ZNRF1: variants seen among roughly 807,000 people sequenced by gnomAD.
ZNRF1 encodes E3 ubiquitin-protein ligase ZNRF1.
Under a neutral mutation model 18.4 loss-of-function variants are expected in ZNRF1, and 3 were observed. The observed-to-expected ratio is 0.16, with a 90% CI of 0.07 to 0.42. ZNRF1 has a LOEUF of 0.42. Ranked by LOEUF, ZNRF1 falls within the 10% of genes least tolerant of loss-of-function variation. The pLI is 0.99. For synonymous variants in ZNRF1, 157 were observed against 144.2 expected (o/e 1.09, Z -0.64); for missense variants, 310 against 329.8 (o/e 0.94, Z 0.47).
chr16:75,026,060 A>G (rs2035218914), intron 1 of ZNRF1, among the ~76,000 whole-genome samples: 1 of 152,292 alleles, frequency 6.6e-6, no homozygotes, highest in East Asian at 1.9e-4. Flanking sequence ...CTTGTGTGGG[A>G]TTGATCCAAT....
At chr16:75,045,529 T>C (rs2035503833) in intron 1 of ZNRF1, among the ~76,000 whole-genome samples, 1 of 149,408 alleles carries the variant, frequency 6.7e-6, no homozygotes, top group Admixed American at 6.8e-5. Context: ...AATCGCTGGC[T>C]TTATCTGAGC....
intron 1 of ZNRF1, among the ~76,000 whole-genome samples, chr16:75,081,695 C>T (rs765404197): frequency 6.6e-6 from 1 of 152,168 alleles, no homozygotes; most frequent in African/African-American, 2.4e-5. Flanking sequence ...GATGTTCAGT[C>T]GAATGACTGG....
intron 2 of ZNRF1, among the ~76,000 whole-genome samples, chr16:75,100,965 G>T (rs1023665037): frequency 5.3e-5 from 8 of 152,164 alleles, no homozygotes; most frequent in Admixed American, 1.3e-4. Context: ...ACAGAGTCTC[G>T]TTCTGTCACC....
intron 1 of ZNRF1, among the ~76,000 whole-genome samples, chr16:75,019,401 A>G (rs760749038): frequency 4.6e-5 from 7 of 152,152 alleles, no homozygotes; most frequent in Non-Finnish European, 8.8e-5. Flanking sequence ...GTGCAAAGAC[A>G]TAACTGTAGT....
At chr16:75,035,255 A>G (rs2035362798) in intron 1 of ZNRF1, among the ~76,000 whole-genome samples, 1 of 152,074 alleles carries the variant, frequency 6.6e-6, no homozygotes, top group Admixed American at 6.6e-5. Context: ...GCTGGTCTCC[A>G]ACTCCTGGGC....
intron 1 of ZNRF1, among the ~76,000 whole-genome samples, chr16:75,066,354 G>A (rs1477710547): frequency 1.3e-5 from 2 of 152,162 alleles, no homozygotes; most frequent in African/African-American, 4.8e-5. Flanking sequence ...GACCAAAGGA[G>A]GGGAAGACAT....
chr16:75,008,847 A>G (rs2034958081), intron 1 of ZNRF1, among the ~76,000 whole-genome samples: 1 of 152,136 alleles, frequency 6.6e-6, no homozygotes, highest in Non-Finnish European at 1.5e-5. Context: ...GGCTGCTGCA[A>G]GGATATACTT....
chr16:75,000,168 A>T (rs1324145826), intron 1 of ZNRF1, 73 bp downstream of exon 1: 12 of 1,546,776 alleles, frequency 7.8e-6, no homozygotes, highest in Non-Finnish European at 1.0e-5. Context: ...GTGCGTGCCA[A>T]GGTTTGGGAA....
intron 1 of ZNRF1, among the ~76,000 whole-genome samples, chr16:75,041,674 C>A (rs987509604): frequency 6.6e-6 from 1 of 152,064 alleles, no homozygotes; most frequent in African/African-American, 2.4e-5. Context: ...GTGATGATCC[C>A]TTTTCATGTG....
chr16:75,055,472 T>C (rs982302684), intron 1 of ZNRF1, among the ~76,000 whole-genome samples: 5 of 152,192 alleles, frequency 3.3e-5, no homozygotes, highest in Admixed American at 6.5e-5. Flanking sequence ...TTCCAGCACT[T>C]TCCATGCTAC....
intron 1 of ZNRF1, among the ~76,000 whole-genome samples, chr16:75,006,931 C>T (rs2034926337): frequency 6.6e-6 from 1 of 152,176 alleles, no homozygotes; most frequent in Non-Finnish European, 1.5e-5. Context: ...CAGGTTTATC[C>T]TTGAATCCAG....
intron 1 of ZNRF1, among the ~76,000 whole-genome samples, chr16:75,017,121 G>A (rs934301715): frequency 6.6e-6 from 1 of 152,118 alleles, no homozygotes; most frequent in Admixed American, 6.6e-5. Flanking sequence ...GCAAACAGCA[G>A]AGTAAACAGT....
chr16:75,067,794 A>G (rs1225581126), intron 1 of ZNRF1, among the ~76,000 whole-genome samples: 1 of 152,180 alleles, frequency 6.6e-6, no homozygotes, highest in South Asian at 2.1e-4. Flanking sequence ...ACTATCATAC[A>G]CAATGGTAGA....
intron 1 of ZNRF1, among the ~76,000 whole-genome samples, chr16:75,070,194 A>G (rs553837073): frequency 1.3e-5 from 2 of 152,302 alleles, no homozygotes; most frequent in African/African-American, 4.8e-5. Flanking sequence ...CCCATTGGGC[A>G]GCCAGCCCAC....
chr16:75,002,177 C>T (rs1296246099), intron 1 of ZNRF1: 3 of 152,216 alleles, frequency 2.0e-5, no homozygotes, highest in Non-Finnish European at 4.4e-5. Flanking sequence ...TTGAGAACCA[C>T]TGCTTTAGGG....
intron 1 of ZNRF1, among the ~76,000 whole-genome samples, chr16:75,042,443 C>CTTTTTTTTTT (rs56212046): frequency 1.2e-4 from 14 of 116,952 alleles, no homozygotes; most frequent in East Asian, 4.9e-4. Context: ...CTGTTTCTTT[C>CTTTTTTTTTT]TTTTTTTTTT....
intron 1 of ZNRF1, among the ~76,000 whole-genome samples, chr16:75,068,478 G>A (rs890280530): frequency 2.0e-5 from 3 of 152,128 alleles, no homozygotes; most frequent in African/African-American, 7.2e-5. Context: ...CAGCAGAGTC[G>A]GGAGTGGCAC....
intron 1 of ZNRF1, among the ~76,000 whole-genome samples, chr16:75,037,617 C>T (rs2035392716): frequency 6.6e-6 from 1 of 152,270 alleles, no homozygotes; most frequent in East Asian, 1.9e-4. Flanking sequence ...CGATTACAGG[C>T]ATGAGCCAGC....
chr16:75,089,189 A>G (rs1405742376), intron 1 of ZNRF1, among the ~76,000 whole-genome samples: 1 of 151,826 alleles, frequency 6.6e-6, no homozygotes, highest in Non-Finnish European at 1.5e-5. Flanking sequence ...TGCAGCCTCA[A>G]CCTCCTGGGC....
Sources: gnomAD v4.1 joint callset for allele counts (sites outside exome capture counted in the v4.1 genomes callset) on GRCh38, gnomAD v4.1.1 for gene constraint, MANE v1.5 for transcripts, NCBI Gene and HGNC (gene_info 2026-07-23, HGNC 2026-07-21) for gene names.